Variants in FOXO1 observed in about 807,000 individuals in gnomAD.
FOXO1 encodes the protein forkhead box O1, also known as forkhead box protein O1.
Under a neutral mutation model 44.1 loss-of-function variants are expected in FOXO1, and 6 were observed. The ratio of observed to expected loss-of-function variants is 0.14; its 90% CI spans 0.07 to 0.27. The LOEUF is 0.27. Ranked by LOEUF, FOXO1 falls within the 10% of genes least tolerant of loss-of-function variation. FOXO1 has a pLI of 1.00. For synonymous variants in FOXO1, 380 were observed against 362.7 expected (o/e 1.05, Z -0.54); for missense variants, 737 against 888.8 (o/e 0.83, Z 2.17).
At chr13:40,578,067 C>T (rs1265676017) in intron 1 of FOXO1, among the ~76,000 whole-genome samples, 1 of 152,164 alleles carries the variant, frequency 6.6e-6, no homozygotes, top group Non-Finnish European at 1.5e-5. Context: ...CTCTTCCACC[C>T]TTCCCTCAAT....
intron 1 of FOXO1, among the ~76,000 whole-genome samples, chr13:40,608,707 T>C (rs531855396): frequency 4.6e-4 from 70 of 152,224 alleles, no homozygotes; most frequent in Non-Finnish European, 7.6e-4. Flanking sequence ...GAAAAGAACA[T>C]TGTCTACAAA....
rs569433657 is a variant in FOXO1, at chr13:40,662,973, T to A, written c.630+2610A>T. On this transcript the variant is annotated intron_variant, in intron 1 of 2. Transcript: ENST00000379561. Reference sequence around the variant, plus strand: ...ATGAAACTAACCAAAAGACTAGTTATGAGTTAGAACAGCTCAGGTTGTTTC... The same window carrying A: ...ATGAAACTAACCAAAAGACTAGTTAAGAGTTAGAACAGCTCAGGTTGTTTC... 2.0e-5 allele frequency among the ~76,000 whole-genome samples: 3 copies of A among 152,394 alleles called. No individual in the cohort carries two copies. In the South Asian group the frequency reaches 6.2e-4, roughly 32 times the overall value.
chr13:40,600,796 T>G (rs1875790115), intron 1 of FOXO1, among the ~76,000 whole-genome samples: 1 of 152,184 alleles, frequency 6.6e-6, no homozygotes. Flanking sequence ...CCAATTAGAA[T>G]TTCAAGGCAA....
intron 1 of FOXO1, among the ~76,000 whole-genome samples, chr13:40,608,004 A>T (rs539154063): frequency 6.6e-6 from 1 of 150,904 alleles, no homozygotes; most frequent in Non-Finnish European, 1.5e-5. Flanking sequence ...TGTTAGTAAC[A>T]TGTCTCTCAT....
At chr13:40,629,101 AG>A (rs1876878898) in intron 1 of FOXO1, among the ~76,000 whole-genome samples, 3 of 152,088 alleles carry the variant, frequency 2.0e-5, no homozygotes, top group Admixed American at 1.3e-4. Flanking sequence ...ATGGTTGAAG[AG>A]GCCCAACCAA....
At position 40,560,225 on chromosome 13, in the gene FOXO1, T is replaced by C. The variant is rs1457759294; in HGVS notation, c.1266A>G (p.Gln422=). The stretch of plus-strand genomic sequence containing the variant: ...TGCTGGATTGGCCATATGTATATTT[T>C]TGGTAGTTTGGGCTGGGTGAATTCA... ...TSLNSPSPNY[Q]KYTYGQSSMS... The change falls in exon 2 of 3, where the codon CAA becomes CAG. Residue 422 remains glutamine (Q), a synonymous_variant. Transcript: ENST00000379561. The surrounding 1 kb of genome is among the most constrained non-coding windows in gnomAD (Gnocchi z 5.1). 4 of 1,614,190 alleles carry C rather than the reference T, an allele frequency of 2.5e-6. No individual in the cohort carries two copies. The highest frequency in any genetic ancestry group is 2.2e-5 in the South Asian group (2 of 91,084).
intron 1 of FOXO1, among the ~76,000 whole-genome samples, chr13:40,593,853 G>A (rs552075348): frequency 7.4e-4 from 113 of 152,242 alleles, no homozygotes; most frequent in East Asian, 1.2e-3. Context: ...TTTTGGCTCT[G>A]AGATAATTTG....
At chr13:40,564,197 G>C (rs1874167522) in intron 1 of FOXO1, among the ~76,000 whole-genome samples, 1 of 151,688 alleles carries the variant, frequency 6.6e-6, no homozygotes, top group Non-Finnish European at 1.5e-5. Context: ...TTTTTAAAAA[G>C]ACTGCAGGAG....
intron 1 of FOXO1, among the ~76,000 whole-genome samples, chr13:40,664,708 G>C (rs1449997650): frequency 1.3e-5 from 2 of 152,080 alleles, no homozygotes; most frequent in African/African-American, 4.8e-5. Flanking sequence ...GACCAAGTTC[G>C]GGCGCTTCCC....
At chr13:40,641,861 T>C (rs548413643) in intron 1 of FOXO1, among the ~76,000 whole-genome samples, 1 of 152,082 alleles carries the variant, frequency 6.6e-6, no homozygotes, top group East Asian at 1.9e-4. Flanking sequence ...TGGCGCATAC[T>C]TGTAATCCCA....
Position 40,666,277 on chromosome 13 carries a change from G to C in FOXO1, c.-65C>G. On this transcript the variant is annotated 5_prime_UTR_variant, in exon 1 of 3. Coordinates refer to ENST00000379561, the MANE Select transcript of FOXO1 (RefSeq NM_002015.4). Reference sequence around the variant, plus strand: ...AGGGGGAGAACGCAGCACTGGGGGCGGACGGGGAGGGGGCGCGAAGGGACG... The same window carrying C: ...AGGGGGAGAACGCAGCACTGGGGGCCGACGGGGAGGGGGCGCGAAGGGACG... 7.8e-7 allele frequency: 1 copy of C among 1,277,062 alleles called. No homozygotes were observed. The highest frequency in any genetic ancestry group is 1.0e-6 in the Non-Finnish European group (1 of 998,462). 79.1% of individuals were successfully genotyped at this position (1,277,062 alleles called of 1,614,324 possible).
Position 40,658,372 on chromosome 13 carries a change from T to C in FOXO1, c.630+7211A>G, listed in dbSNP as rs115327144. Reference sequence around the variant, plus strand: ...AGAGTGCTCAAGAAGACACCAAGGTTTGAAAACTAGGGAAAGAACTAACTA... The same window carrying C: ...AGAGTGCTCAAGAAGACACCAAGGTCTGAAAACTAGGGAAAGAACTAACTA... On this transcript the variant is annotated intron_variant, in intron 1 of 2. Coordinates refer to ENST00000379561, the MANE Select transcript of FOXO1 (RefSeq NM_002015.4). Among the ~76,000 whole-genome samples, 887 of 152,258 alleles carry C rather than the reference T, an allele frequency of 5.8e-3. 7 individuals carry two copies. Among genetic ancestry groups the C allele is most frequent in the African/African-American group, 0.021 (854 of 41,534 alleles).
intron 1 of FOXO1, among the ~76,000 whole-genome samples, chr13:40,613,681 G>A (rs550698487): frequency 1.1e-4 from 16 of 152,290 alleles, no homozygotes; most frequent in Admixed American, 8.5e-4. Flanking sequence ...GCGTCAGCAT[G>A]TGCATTTGAA....
At chr13:40,596,898 C>T (rs368305733) in intron 1 of FOXO1, among the ~76,000 whole-genome samples, 5 of 152,180 alleles carry the variant, frequency 3.3e-5, no homozygotes, top group African/African-American at 1.2e-4. Flanking sequence ...GATCCTCCCC[C>T]GCCTTCCTAC....
In FOXO1 at chr13:40,666,477, G is replaced by A. The variant is rs1878262383; in HGVS notation, c.-265C>T. On this transcript the variant is annotated 5_prime_UTR_variant, in exon 1 of 3. Coordinates refer to ENST00000379561, the MANE Select transcript of FOXO1 (RefSeq NM_002015.4). ...CGGCCAGAGCCGCCGGGCCGGGGCA[G>A]AGCCTGCGCCGCGCTCCAGCTGACA... 1 of 355,394 alleles carries A rather than the reference G, an allele frequency of 2.8e-6. No individual in the cohort carries two copies. The highest frequency in any genetic ancestry group is 1.3e-4 in the South Asian group (1 of 7,902). The allele number at this position is 355,394 out of a possible 1,614,324, so 22.0% of individuals were successfully genotyped here.
At position 40,595,008 on chromosome 13, in the gene FOXO1, T is replaced by A. The variant is rs78044137; in HGVS notation, c.631-34148A>T. On this transcript the variant is annotated intron_variant, in intron 1 of 2. Transcript: ENST00000379561. ...GCATACAGTAGACTTTATATATGCTTATTTGGTTTTGATTTTTATACTTTT... is the reference window on the plus strand; with the variant it reads ...GCATACAGTAGACTTTATATATGCTAATTTGGTTTTGATTTTTATACTTTT... Among the ~76,000 whole-genome samples, 195 of 152,302 alleles carry A rather than the reference T, an allele frequency of 1.3e-3. 6 individuals are homozygous for A. In the East Asian group the frequency reaches 0.037, roughly 29 times the overall value.
At chr13:40,625,755 G>C (rs768582624) in intron 1 of FOXO1, among the ~76,000 whole-genome samples, 15 of 151,972 alleles carry the variant, frequency 9.9e-5, no homozygotes, top group Non-Finnish European at 1.9e-4. Flanking sequence ...AAATATTTTA[G>C]GTATAAGTCA....
At chr13:40,596,524 T>A (rs1379631650) in intron 1 of FOXO1, among the ~76,000 whole-genome samples, 1 of 152,218 alleles carries the variant, frequency 6.6e-6, no homozygotes, top group African/African-American at 2.4e-5. Flanking sequence ...TTACATGATC[T>A]TGGGCAAATT....
At chr13:40,582,793 C>T (rs1377285321) in intron 1 of FOXO1, among the ~76,000 whole-genome samples, 3 of 152,250 alleles carry the variant, frequency 2.0e-5, no homozygotes, top group African/African-American at 4.8e-5. Flanking sequence ...AATCTTGAAC[C>T]CCTCCCAGGT....
Sources: allele counts gnomAD v4.1 joint callset (sites outside exome capture counted in the v4.1 genomes callset), GRCh38; gene constraint gnomAD v4.1.1; non-coding constraint Gnocchi (gnomAD v3.1); transcripts MANE v1.5; gene names NCBI Gene and HGNC (gene_info 2026-07-23, HGNC 2026-07-21).